Variants in EIF3D observed in about 807,000 individuals in gnomAD.
The protein encoded by EIF3D is eukaryotic translation initiation factor 3 subunit D, also known as eIF3 p66.
A neutral mutation model predicts 75.4 loss-of-function variants in EIF3D; 10 were observed. That is an observed-to-expected ratio of 0.13 (90% CI 0.08 to 0.22). EIF3D has a LOEUF of 0.22. Ranked by LOEUF, EIF3D falls within the 10% of genes least tolerant of loss-of-function variation. The pLI, the probability that EIF3D is intolerant of heterozygous loss-of-function variation, is 1.00. For synonymous variants in EIF3D, 246 were observed against 248.3 expected, an observed-to-expected ratio of 0.99 and a Z score of 0.09; for missense variants, 394 against 708.0, an observed-to-expected ratio of 0.56 and a Z score of 5.03.
At chr22:36,518,611 CCTCTAAA>C in intron 9 of EIF3D, 145 bp downstream of exon 9, 1 of 998,924 alleles carries the variant, frequency 1.0e-6, no homozygotes, top group South Asian at 1.7e-5. Context: ...CTTCTCCTAA[CCTCTAAA>C]GAGTGTGGGA....
At chr22:36,511,376 T>G (rs1270837078) in intron 14 of EIF3D, 127 bp downstream of exon 14, 3 of 1,514,740 alleles carry the variant, frequency 2.0e-6, no homozygotes, top group East Asian at 2.3e-5. Context: ...AGTGAATGCT[T>G]CTTCATACTT....
chr22:36,519,634 A>C, intron 7 of EIF3D, 97 bp from the exon 8 acceptor site: 1 of 1,523,898 alleles, frequency 6.6e-7, no homozygotes. Flanking sequence ...CAAAAGTCTA[A>C]AAGAGGTGGA....
At chr22:36,516,878 G>A in intron 10 of EIF3D, 88 bp from the exon 11 acceptor site, 1 of 1,264,432 alleles carries the variant, frequency 7.9e-7, no homozygotes. Context: ...CTGCTTAGTT[G>A]CAGCCCTGGC....
intron 9 of EIF3D, among the ~76,000 whole-genome samples, chr22:36,518,115 A>G (rs1231908395): frequency 6.6e-6 from 1 of 152,132 alleles, no homozygotes; most frequent in African/African-American, 2.4e-5. Context: ...TGTATGGTAT[A>G]AAAAATATAT....
rs1479804964 is a variant in EIF3D, at chr22:36,525,592, A to G, written c.169+72T>C. The stretch of plus-strand genomic sequence containing the variant: ...TCTTCCCATTCTAAAAAGCTTTCAG[A>G]AGAAGGTCATTAGAATAAAGAACAA... On this transcript the variant is annotated intron_variant, in intron 3 of 14. Coordinates refer to ENST00000216190, the MANE Select transcript of EIF3D (RefSeq NM_003753.4). 3 of 1,510,050 alleles carry G rather than the reference A, an allele frequency of 2.0e-6. No homozygotes were observed. In the East Asian group the frequency reaches 6.8e-5, roughly 34 times the overall value. The allele number at this position is 1,510,050 out of a possible 1,614,324, so 93.5% of individuals were successfully genotyped here.
chr22:36,524,440 T>C (rs941027982), intron 4 of EIF3D, among the ~76,000 whole-genome samples, 156 bp downstream of exon 4: 1 of 152,214 alleles, frequency 6.6e-6, no homozygotes, highest in Non-Finnish European at 1.5e-5. Flanking sequence ...CAAGTTCACC[T>C]TGGTACCACT....
intron 14 of EIF3D, 77 bp from the exon 15 acceptor site, chr22:36,511,077 C>A: frequency 1.3e-6 from 2 of 1,537,620 alleles, no homozygotes; most frequent in South Asian, 1.2e-5. Context: ...TGAACCTCTG[C>A]TGGACTGTGC....
At chr22:36,517,193 T>G in intron 10 of EIF3D, 108 bp downstream of exon 10, 2 of 1,472,110 alleles carry the variant, frequency 1.4e-6, no homozygotes, top group East Asian at 4.6e-5. Flanking sequence ...GGGGACTGCG[T>G]CTGACCTGCT....
intron 7 of EIF3D, 57 bp downstream of exon 7, chr22:36,520,519 A>C: frequency 8.2e-7 from 1 of 1,223,372 alleles, no homozygotes; most frequent in Non-Finnish European, 1.2e-6. Context: ...AATACCCATC[A>C]CCAGCTGGTC....
chr22:36,511,829 A>C, intron 13 of EIF3D, 43 bp from the exon 14 acceptor site: 1 of 1,591,510 alleles, frequency 6.3e-7, no homozygotes, highest in Non-Finnish European at 8.6e-7. Context: ...AGGGCAGCAC[A>C]GAGACAGCAA....
chr22:36,524,087 G>C, intron 4 of EIF3D, 107 bp from the exon 5 acceptor site: 2 of 1,081,440 alleles, frequency 1.8e-6, no homozygotes, highest in Non-Finnish European at 2.8e-6. Flanking sequence ...CAAATCCCAA[G>C]TTTCACATCT....
chr22:36,521,329 CA>C (rs1934509071), intron 6 of EIF3D, among the ~76,000 whole-genome samples: 1 of 152,144 alleles, frequency 6.6e-6, no homozygotes, highest in Non-Finnish European at 1.5e-5. Context: ...AGTTCAAAAG[CA>C]AATGGGGTTC....
intron 3 of EIF3D, among the ~76,000 whole-genome samples, chr22:36,525,227 C>A (rs1934577195): frequency 1.4e-5 from 2 of 146,972 alleles, no homozygotes; most frequent in South Asian, 4.3e-4. Context: ...GATCTTAAAA[C>A]CAGGGGTTTT....
chr22:36,512,327 T>TCC, intron 13 of EIF3D, 133 bp downstream of exon 13: 1 of 1,292,842 alleles, frequency 7.7e-7, no homozygotes, highest in East Asian at 2.4e-5. Context: ...AACTGACCCC[T>TCC]CCATCTCTAC....
At position 36,529,089 on chromosome 22, in the gene EIF3D, G is replaced by T. The variant is rs886590775; in HGVS notation, c.-24C>A. 2 of 392,636 alleles carry T rather than the reference G, an allele frequency of 5.1e-6. No homozygotes were observed. Among genetic ancestry groups the T allele is most frequent in the East Asian group, 3.6e-5 (1 of 27,790 alleles). 24.3% of individuals were successfully genotyped at this position (392,636 alleles called of 1,614,324 possible). ...CACGCCGCTCACCTGCAATGGCCTC[G>T]GCCGGCCGGGATGGCAACAGATGGT... On this transcript the variant is annotated 5_prime_UTR_variant, in exon 1 of 15. Coordinates refer to ENST00000216190, the MANE Select transcript of EIF3D (RefSeq NM_003753.4).
rs142224103 is a variant in EIF3D at position 36,528,301 on chromosome 22, T to C, written c.-11+775A>G. Among the ~76,000 whole-genome samples the C allele has an allele frequency of 1.8e-3, 272 of 151,998 alleles. 1 individual carries two copies. Among genetic ancestry groups the C allele is most frequent in the African/African-American group, 6.3e-3 (263 of 41,420 alleles). On this transcript the variant is annotated intron_variant, in intron 1 of 14. Coordinates refer to ENST00000216190, the MANE Select transcript of EIF3D (RefSeq NM_003753.4). The stretch of plus-strand genomic sequence containing the variant: ...CATCATAATACCAAGACAACGAGTC[T>C]CAAAACACACTTTAAAAAATCGGGT...
chr22:36,511,351 A>C, intron 14 of EIF3D, 152 bp downstream of exon 14: 2 of 1,448,626 alleles, frequency 1.4e-6, no homozygotes, highest in Non-Finnish European at 1.8e-6. Flanking sequence ...CTCTAGAAGA[A>C]GCTCTTGGAG....
chr22:36,524,853 G>T, intron 3 of EIF3D, 121 bp from the exon 4 acceptor site: 7 of 1,280,542 alleles, frequency 5.5e-6, no homozygotes, highest in Non-Finnish European at 6.7e-6. Flanking sequence ...CTGAAAGCTT[G>T]TTAGACACAC....
chr22:36,524,783 G>A (rs1038063520), intron 3 of EIF3D, 51 bp from the exon 4 acceptor site: 1 of 1,612,490 alleles, frequency 6.2e-7, no homozygotes, highest in Non-Finnish European at 8.5e-7. Context: ...GACTTTACCA[G>A]ATATGCACCA....
Sources: gnomAD v4.1 joint callset for allele counts (sites outside exome capture counted in the v4.1 genomes callset) on GRCh38, gnomAD v4.1.1 for gene constraint, MANE v1.5 for transcripts, NCBI Gene and HGNC (gene_info 2026-07-23, HGNC 2026-07-21) for gene names.